Variants in VIPR2 observed in about 807,000 individuals in gnomAD.
VIPR2 encodes the protein vasoactive intestinal peptide receptor 2.
A neutral mutation model predicts 58.0 loss-of-function variants in VIPR2; 48 were observed. The observed-to-expected ratio is 0.83, with a 90% CI of 0.66 to 1.05. The LOEUF is 1.05. VIPR2 is among the 50% of genes least tolerant of loss of function. The probability of loss-of-function intolerance (pLI) is 0.00; values close to 1 mark genes in which losing one functional copy is unlikely to be tolerated. For missense variants in VIPR2, 534 were observed against 558.0 expected, an observed-to-expected ratio of 0.96 and a Z score of 0.43; for synonymous variants, 243 against 235.2, an observed-to-expected ratio of 1.03 and a Z score of -0.30.
At chr7:159,042,297 T>A (rs930979469) in intron 6 of VIPR2, among the ~76,000 whole-genome samples, 25 of 152,232 alleles carry the variant, frequency 1.6e-4, no homozygotes, top group African/African-American at 5.8e-4. Flanking sequence ...GGGGCACGAA[T>A]CCTTCACAAA....
chr7:159,128,143 A>C lies in VIPR2; in HGVS notation c.151+14303T>G, dbSNP rs1378777548. Among the ~76,000 whole-genome samples the C allele has an allele frequency of 6.6e-6, 1 of 151,878 alleles. No homozygotes were observed. Among genetic ancestry groups the C allele is most frequent in the African/African-American group, 2.4e-5 (1 of 41,358 alleles). On this transcript the variant is annotated intron_variant, in intron 2 of 12. Coordinates refer to ENST00000262178, the MANE Select transcript of VIPR2 (RefSeq NM_003382.5). This position sits in a 1 kb window ranked among gnomAD's most constrained non-coding sequence, Gnocchi z 4.1. ...CTCCTGCTGCCTCTGCCCCTGAGGG[A>C]TGTGACGGGGGTGGGGGGACACCAC... is the stretch of plus-strand genomic sequence containing the variant.
At chr7:159,069,256 A>G (rs1339627359) in intron 4 of VIPR2, among the ~76,000 whole-genome samples, 2 of 151,940 alleles carry the variant, frequency 1.3e-5, no homozygotes, top group Non-Finnish European at 2.9e-5. Context: ...TCCTGTGTCC[A>G]GTTTCCCCTG....
chr7:159,032,774 T>A (rs1853673659), intron 10 of VIPR2, among the ~76,000 whole-genome samples: 1 of 151,964 alleles, frequency 6.6e-6, no homozygotes, highest in South Asian at 2.1e-4. Flanking sequence ...AGCATCCATC[T>A]CCAAGTTCAA....
At chr7:159,100,554 C>T (rs1275766815) in intron 4 of VIPR2, among the ~76,000 whole-genome samples, 5 of 152,260 alleles carry the variant, frequency 3.3e-5, no homozygotes, top group African/African-American at 4.8e-5. Context: ...TGCCAGCCAG[C>T]ACCACCTTAT....
intron 12 of VIPR2, 24 bp from the exon 13 acceptor site, chr7:159,030,813 C>T: frequency 1.3e-6 from 2 of 1,536,224 alleles, no homozygotes; most frequent in Middle Eastern, 2.3e-4. Flanking sequence ...GCAGCGGGAA[C>T]GCCCGTGAGC....
chr7:159,059,140 G>A lies in VIPR2; in HGVS notation c.358-562C>T, dbSNP rs60719906. 1,128 of 428,996 alleles carry A rather than the reference G, an allele frequency of 2.6e-3. 10 individuals carry two copies. Among genetic ancestry groups the A allele is most frequent in the African/African-American group, 0.021 (1,040 of 48,380 alleles). 26.6% of individuals were successfully genotyped at this position (428,996 alleles called of 1,614,324 possible). On this transcript the variant is annotated intron_variant, in intron 4 of 12. Transcript: ENST00000262178. ...ATGGCTTGATACTTTTAATCTCCAC[G>A]AAATCATCAGGTACAGGAGGGATTC...
chr7:159,143,849 TC>T (rs1797575255), intron 1 of VIPR2, among the ~76,000 whole-genome samples: 1 of 152,330 alleles, frequency 6.6e-6, no homozygotes, highest in East Asian at 1.9e-4. Flanking sequence ...AAGGACCCGC[TC>T]CGCAAAGCGC....
chr7:159,125,698 C>T (rs1796627689), intron 2 of VIPR2, among the ~76,000 whole-genome samples: 1 of 152,170 alleles, frequency 6.6e-6, no homozygotes, highest in Non-Finnish European at 1.5e-5. Context: ...TCCATCCCTG[C>T]CTTACTTTGA....
At chr7:159,042,451 G>C (rs1854409827) in intron 6 of VIPR2, among the ~76,000 whole-genome samples, 1 of 152,190 alleles carries the variant, frequency 6.6e-6, no homozygotes, top group Non-Finnish European at 1.5e-5. Flanking sequence ...TACAAATACA[G>C]CTGAGGGAGA....
rs936366393 is a variant in VIPR2 at position 159,061,813 on chromosome 7, G to A, written c.358-3235C>T. Among the ~76,000 whole-genome samples, 5 of 152,338 alleles carry A rather than the reference G, an allele frequency of 3.3e-5. No individual in the cohort carries two copies. In the East Asian group the frequency reaches 7.7e-4, roughly 24 times the overall value. ...TCTGGATCTCACGCTCAGCGGGAGG[G>A]CGAGCCGCGGCGGAGTACCGGGATC... On this transcript the variant is annotated intron_variant, in intron 4 of 12. Transcript: ENST00000262178.
chr7:159,101,650 G>A (rs1244187781), intron 4 of VIPR2, among the ~76,000 whole-genome samples: 42 of 148,312 alleles, frequency 2.8e-4, no homozygotes, highest in African/African-American at 8.8e-4. Flanking sequence ...CGACGAGGCC[G>A]TTCCCCCGAC....
chr7:159,062,756 A>C (rs1214886536), intron 4 of VIPR2, among the ~76,000 whole-genome samples: 1 of 152,204 alleles, frequency 6.6e-6, no homozygotes, highest in Admixed American at 6.5e-5. Context: ...AATTGTCTCT[A>C]CAGGCTCCGG....
chr7:159,031,402 G>T lies in VIPR2; in HGVS notation c.1143+426C>A. On this transcript the variant is annotated intron_variant, in intron 12 of 12. Transcript: ENST00000262178. The surrounding 1 kb of genome is among the most constrained non-coding windows in gnomAD (Gnocchi z 4.0). ...CCTCCCTGGCTGGGAATGAACGCAGGGCAGAGCTCGGCTCCGGGCTTCCTC... is the reference window on the plus strand; with the variant it reads ...CCTCCCTGGCTGGGAATGAACGCAGTGCAGAGCTCGGCTCCGGGCTTCCTC... 5 of 980,348 alleles carry T rather than the reference G, an allele frequency of 5.1e-6. No individual in the cohort carries two copies. The highest frequency in any genetic ancestry group is 6.1e-6 in the Non-Finnish European group (5 of 825,294). 60.7% of individuals were successfully genotyped at this position (980,348 alleles called of 1,614,324 possible).
chr7:159,056,255 G>A (rs1855323434), intron 5 of VIPR2, among the ~76,000 whole-genome samples: 2 of 150,640 alleles, frequency 1.3e-5, no homozygotes, highest in Non-Finnish European at 3.0e-5. Context: ...CTTACCCCAT[G>A]CCAAAGTCCA....
rs1469424293 is a variant in VIPR2, at chr7:159,144,588, C to G, written c.51+133G>C. On this transcript the variant is annotated intron_variant, in intron 1 of 12. Transcript: ENST00000262178. ...GGAAGCTCCGGACCCCGGGCGACCC[C>G]GCTCCCTCTCCCGGACCCCGCCCGC... 9.3e-6 allele frequency: 13 copies of G among 1,397,010 alleles called. No homozygotes were observed. The East Asian group carries it at 3.8e-4, about 40-fold the overall frequency. The allele number at this position is 1,397,010 out of a possible 1,614,324, so 86.5% of individuals were successfully genotyped here.
At chr7:159,130,065 C>T (rs1414739261) in intron 2 of VIPR2, among the ~76,000 whole-genome samples, 1 of 152,190 alleles carries the variant, frequency 6.6e-6, no homozygotes, top group Non-Finnish European at 1.5e-5. Context: ...TCTGTCCCCT[C>T]AAATTGGCCT....
intron 2 of VIPR2, among the ~76,000 whole-genome samples, chr7:159,112,576 G>A (rs1796057275): frequency 1.3e-5 from 2 of 152,200 alleles, no homozygotes; most frequent in African/African-American, 4.8e-5. Context: ...AGGAGGGGGA[G>A]AAGCGAGAGA....
intron 1 of VIPR2, among the ~76,000 whole-genome samples, chr7:159,143,091 G>A (rs1301911755): frequency 6.6e-6 from 1 of 152,246 alleles, no homozygotes; most frequent in African/African-American, 2.4e-5. Flanking sequence ...AAGATGAGGA[G>A]GGAGGCAGAG....
At chr7:159,117,529 G>A in intron 2 of VIPR2, 3 of 659,782 alleles carry the variant, frequency 4.5e-6, no homozygotes, top group Non-Finnish European at 8.4e-6. Flanking sequence ...ACACAGATGG[G>A]TGCAACTCCA....
Sources: gnomAD v4.1 joint callset for allele counts (sites outside exome capture counted in the v4.1 genomes callset) on GRCh38, gnomAD v4.1.1 for gene constraint, Gnocchi (gnomAD v3.1) non-coding constraint, MANE v1.5 for transcripts, NCBI Gene and HGNC (gene_info 2026-07-23, HGNC 2026-07-21) for gene names.